The following MACROD1 variants were observed in gnomAD, a reference collection of about 807,000 sequenced individuals.
The protein encoded by MACROD1 is mono-ADP ribosylhydrolase 1.
MACROD1 carries 31 observed loss-of-function variants against 41.4 expected under a neutral mutation model. That is an observed-to-expected ratio of 0.75 (90% CI 0.56 to 1.01). The LOEUF (loss-of-function observed/expected upper bound fraction) is 1.01, where lower values mean the gene tolerates loss of function less well. Among genes scored for constraint, MACROD1 ranks in the 50% least tolerant of loss-of-function variants. The pLI, the probability that MACROD1 is intolerant of heterozygous loss-of-function variation, is 0.00. For missense variants in MACROD1, 473 were observed against 460.0 expected (o/e 1.03, Z -0.26); for synonymous variants, 252 against 203.4 (o/e 1.24, Z -2.03).
chr11:64,105,794 G>C (rs1195001508), intron 3 of MACROD1, among the ~76,000 whole-genome samples: 4 of 152,214 alleles, frequency 2.6e-5, no homozygotes, highest in African/African-American at 9.7e-5. Flanking sequence ...CAAGGCCCCA[G>C]GAGGTGGGCG....
At chr11:64,127,649 G>C (rs1360546157) in intron 3 of MACROD1, among the ~76,000 whole-genome samples, 1 of 152,234 alleles carries the variant, frequency 6.6e-6, no homozygotes, top group Non-Finnish European at 1.5e-5. Context: ...AGGGGACCCA[G>C]AGCTGAACCA....
chr11:64,095,807 CA>C (rs1248558183), intron 3 of MACROD1, among the ~76,000 whole-genome samples: 2 of 152,144 alleles, frequency 1.3e-5, no homozygotes, highest in Non-Finnish European at 2.9e-5. Flanking sequence ...TGAAATAGGC[CA>C]AGAGGGGCTC....
chr11:64,051,648 T>G (rs1395504896), intron 3 of MACROD1, among the ~76,000 whole-genome samples: 1 of 152,180 alleles, frequency 6.6e-6, no homozygotes, highest in East Asian at 1.9e-4. Context: ...TGGCAGTGTG[T>G]ACATCAGCCC....
chr11:64,110,956 G>A (rs1944852274), intron 3 of MACROD1, among the ~76,000 whole-genome samples: 3 of 152,226 alleles, frequency 2.0e-5, no homozygotes, highest in Admixed American at 2.0e-4. Context: ...CTGGCCTTGG[G>A]GAGGGGGGCG....
rs989076755 is a variant in MACROD1 at position 64,090,094 on chromosome 11, A to G, written c.517+61145T>C. ...CATCCTGAGCCCAGAACCTTCTAGA[A>G]TGGGGCTGGGGGAGGGGAAGATATG... is the stretch of plus-strand genomic sequence containing the variant. On this transcript the variant is annotated intron_variant, in intron 3 of 10. Coordinates refer to ENST00000255681, the MANE Select transcript of MACROD1 (RefSeq NM_014067.4). This position sits in a 1 kb window ranked among gnomAD's most constrained non-coding sequence, Gnocchi z 4.7. Among the ~76,000 whole-genome samples, 1 of 152,138 alleles carries G rather than the reference A, an allele frequency of 6.6e-6. No homozygotes were observed. The highest frequency in any genetic ancestry group is 2.4e-5 in the African/African-American group (1 of 41,422).
intron 3 of MACROD1, among the ~76,000 whole-genome samples, chr11:64,019,277 G>A (rs996746052): frequency 2.0e-5 from 3 of 152,086 alleles, no homozygotes; most frequent in East Asian, 2.0e-4. Flanking sequence ...CTCTGAGCCC[G>A]GTGCTGCGCC....
intron 3 of MACROD1, among the ~76,000 whole-genome samples, chr11:64,077,269 C>G (rs1182218440): frequency 6.6e-6 from 1 of 152,214 alleles, no homozygotes; most frequent in Non-Finnish European, 1.5e-5. Flanking sequence ...ACAGGTACCC[C>G]AGGCGGCCAG....
chr11:64,077,802 C>A (rs756212748), intron 3 of MACROD1, among the ~76,000 whole-genome samples: 3 of 152,220 alleles, frequency 2.0e-5, no homozygotes, highest in Admixed American at 6.5e-5. Context: ...GGCCTCCGGC[C>A]GCCGCTCGGA....
At chr11:64,087,101 G>T (rs1477743968) in intron 3 of MACROD1, 1 of 152,176 alleles carries the variant, frequency 6.6e-6, no homozygotes, top group African/African-American at 2.4e-5. Flanking sequence ...ATCCCCACTG[G>T]TAAATGATAT....
At chr11:64,004,947 G>C (rs535521552) in intron 4 of MACROD1, among the ~76,000 whole-genome samples, 15 of 152,256 alleles carry the variant, frequency 9.9e-5, no homozygotes, top group African/African-American at 3.4e-4. Flanking sequence ...AGGGGGATGG[G>C]AGACTGAGGG....
intron 3 of MACROD1, among the ~76,000 whole-genome samples, chr11:64,086,655 A>G (rs559997452): frequency 2.0e-5 from 3 of 152,208 alleles, no homozygotes; most frequent in African/African-American, 7.2e-5. Flanking sequence ...ACTCCTATTC[A>G]TGCTCCAGGG....
chr11:64,130,489 C>T (rs1323383018), intron 3 of MACROD1, among the ~76,000 whole-genome samples: 4 of 152,122 alleles, frequency 2.6e-5, no homozygotes, highest in African/African-American at 7.2e-5. Flanking sequence ...GAAGAAGAGG[C>T]GTCGGAACCT....
At chr11:64,047,116 T>C (rs1590835112) in intron 3 of MACROD1, among the ~76,000 whole-genome samples, 1 of 151,282 alleles carries the variant, frequency 6.6e-6, no homozygotes, top group African/African-American at 2.4e-5. Context: ...CCACCCTCAC[T>C]CCCCGACATT....
At chr11:64,111,980 G>C (rs1370356798) in intron 3 of MACROD1, among the ~76,000 whole-genome samples, 7 of 152,168 alleles carry the variant, frequency 4.6e-5, no homozygotes, top group Admixed American at 4.6e-4. Context: ...TCAGCAGTGT[G>C]GAGTCAAGCA....
intron 1 of MACROD1, among the ~76,000 whole-genome samples, chr11:64,163,719 G>A (rs1164043185): frequency 6.6e-6 from 1 of 152,236 alleles, no homozygotes; most frequent in African/African-American, 2.4e-5. Context: ...GAACCACCCA[G>A]CTAAGCTTCT....
chr11:64,098,499 C>T (rs764171961), intron 3 of MACROD1, among the ~76,000 whole-genome samples: 4 of 152,218 alleles, frequency 2.6e-5, no homozygotes, highest in Non-Finnish European at 5.9e-5. Context: ...CTCCAGTGCC[C>T]TCGGGAGAGA....
chr11:64,072,178 T>C (rs1332852536), intron 3 of MACROD1, among the ~76,000 whole-genome samples: 1 of 152,154 alleles, frequency 6.6e-6, no homozygotes, highest in Non-Finnish European at 1.5e-5. Context: ...CTGGGGGGAC[T>C]TGGGGGTCGG....
intron 3 of MACROD1, among the ~76,000 whole-genome samples, chr11:64,093,325 C>T (rs1394087937): frequency 6.6e-6 from 1 of 152,212 alleles, no homozygotes; most frequent in African/African-American, 2.4e-5. Context: ...GTCACTGCTG[C>T]GGACACAGTC....
chr11:64,065,297 C>T (rs1283289753), intron 3 of MACROD1, among the ~76,000 whole-genome samples: 2 of 152,116 alleles, frequency 1.3e-5, no homozygotes, highest in Non-Finnish European at 2.9e-5. Flanking sequence ...GGCGGGCAAG[C>T]GTCAGCTGCC....
Sources: gnomAD v4.1 joint callset for allele counts (sites outside exome capture counted in the v4.1 genomes callset) on GRCh38, gnomAD v4.1.1 for gene constraint, Gnocchi (gnomAD v3.1) non-coding constraint, MANE v1.5 for transcripts, NCBI Gene and HGNC (gene_info 2026-07-23, HGNC 2026-07-21) for gene names.